Variants in PDGFRA observed in about 807,000 individuals in gnomAD.
The protein encoded by PDGFRA is platelet-derived growth factor receptor alpha.
A neutral mutation model predicts 121.5 loss-of-function variants in PDGFRA; 25 were observed. That is an observed-to-expected ratio of 0.21 (90% CI 0.15 to 0.29). PDGFRA has a LOEUF of 0.29. Among genes scored for constraint, PDGFRA ranks in the 10% least tolerant of loss-of-function variants. The pLI is 1.00. For synonymous variants in PDGFRA, 463 were observed against 494.8 expected, an observed-to-expected ratio of 0.94 and a Z score of 0.85; for missense variants, 1,008 against 1,345.1, an observed-to-expected ratio of 0.75 and a Z score of 3.92.
intron 16 of PDGFRA, among the ~76,000 whole-genome samples, chr4:54,284,553 T>TGAGAGA (rs1446665217): frequency 2.1e-4 from 15 of 72,966 alleles, no homozygotes; most frequent in African/African-American, 6.1e-4. Context: ...CAGGAGCAAG[T>TGAGAGA]GAGAGAGAGA....
chr4:54,244,661 C>G (rs1244234509), intron 1 of PDGFRA, among the ~76,000 whole-genome samples: 1 of 152,224 alleles, frequency 6.6e-6, no homozygotes, highest in African/African-American at 2.4e-5. Context: ...AGCAGAGCGC[C>G]TCTCCTCCTC....
Position 54,285,404 on chromosome 4 carries a change from A to T in PDGFRA, c.2357A>T (p.Asn786Ile), listed in dbSNP as rs2110335579. Reference protein sequence around the residue: ...SEVKNLLSDDNSEGLTLLDLL... With the variant: ...SEVKNLLSDDISEGLTLLDLL... ...GTCAAAAACCTCCTTTCAGATGATA[A>T]CTCAGAAGGCCTTACTTTATTGGAT... is the stretch of plus-strand genomic sequence containing the variant. The change falls in exon 17 of 23, where the codon AAC becomes ATC. Residue 786 changes from asparagine (N) to isoleucine (I), a missense_variant. Asn to Ile is a moderately radical substitution (Grantham distance 149). This residue lies in a region of PDGFRA where 128 missense variants were observed against 147.6 expected (regional missense o/e 0.87). Coordinates refer to ENST00000257290, the MANE Select transcript of PDGFRA (RefSeq NM_006206.6). The T allele has an allele frequency of 6.4e-7, 1 of 1,551,796 alleles. No homozygotes were observed.
intron 20 of PDGFRA, 47 bp from the exon 21 acceptor site, chr4:54,288,962 G>A: frequency 6.6e-7 from 1 of 1,513,700 alleles, no homozygotes; most frequent in Non-Finnish European, 9.2e-7. Context: ...GGAGGGAGGG[G>A]CCCTGAGACT....
rs1553902953 is a variant in PDGFRA at position 54,265,019 on chromosome 4, T to A, written c.729T>A (p.Val243=). The change falls in exon 5 of 23, where the codon GTT becomes GTA. Residue 243 remains valine, a synonymous_variant. Transcript: ENST00000257290. ...VTCAVFNNEV[V]DLQWTYPGEV... ...GTGCTGTTTTTAACAATGAGGTGGT[T>A]GACCTTCAATGGACTTACCCTGGAG... The A allele has an allele frequency of 6.2e-7, 1 of 1,613,780 alleles. No homozygotes were observed. The highest frequency in any genetic ancestry group is 8.5e-7 in the Non-Finnish European group (1 of 1,179,754).
At chr4:54,253,092 T>A (rs1722145615) in intron 1 of PDGFRA, among the ~76,000 whole-genome samples, 1 of 151,660 alleles carries the variant, frequency 6.6e-6, no homozygotes, top group Admixed American at 6.6e-5. Flanking sequence ...GTCATGGGAG[T>A]GGACTGCTGG....
intron 1 of PDGFRA, among the ~76,000 whole-genome samples, chr4:54,254,638 C>G (rs1269722309): frequency 6.6e-6 from 1 of 152,198 alleles, no homozygotes; most frequent in African/African-American, 2.4e-5. Flanking sequence ...AAAGCCACGA[C>G]GACATCAAGC....
At chr4:54,291,198 A>C (rs1724615421) in intron 22 of PDGFRA, among the ~76,000 whole-genome samples, 1 of 152,304 alleles carries the variant, frequency 6.6e-6, no homozygotes, top group Non-Finnish European at 1.5e-5. Context: ...GCCTGGATGC[A>C]CACATGGCCA....
Position 54,261,239 on chromosome 4 carries a change from A to T in PDGFRA, c.194A>T (p.Glu65Val), listed in dbSNP as rs1163869258. The change falls in exon 3 of 23, where the codon GAG (glutamate) becomes GTG (valine). Residue 65 changes from glutamate to valine, a missense_variant. Coordinates refer to ENST00000257290, the MANE Select transcript of PDGFRA (RefSeq NM_006206.6). ...TGGCAGTACCCCATGTCTGAAGAAG[A>T]GAGCTCCGATGTGGAAATCAGAAAT... ...VSWQYPMSEE[E>V]SSDVEIRNEE... 2.5e-6 allele frequency: 4 copies of T among 1,614,186 alleles called. No individual in the cohort carries two copies. Among genetic ancestry groups the T allele is most frequent in the Non-Finnish European group, 3.4e-6 (4 of 1,180,032 alleles).
At chr4:54,275,330 C>G (rs1268831034) in intron 12 of PDGFRA, among the ~76,000 whole-genome samples, 1 of 152,064 alleles carries the variant, frequency 6.6e-6, no homozygotes, top group Non-Finnish European at 1.5e-5. Flanking sequence ...ATGAGGACAA[C>G]CACAAAATGT....
intron 14 of PDGFRA, 157 bp from the exon 15 acceptor site, chr4:54,278,205 C>T (rs944812875): frequency 2.8e-6 from 2 of 726,358 alleles, no homozygotes; most frequent in Non-Finnish European, 4.5e-6. Context: ...CCAGTCATAG[C>T]CATTCATGGC....
chr4:54,271,859 G>GCCT (rs1723391110), intron 8 of PDGFRA, among the ~76,000 whole-genome samples: 1 of 65,816 alleles, frequency 1.5e-5, no homozygotes, highest in African/African-American at 6.4e-5. Flanking sequence ...TCCCTCCCTT[G>GCCT]TTCTCCCTTT....
At chr4:54,244,567 T>TA (rs1470913226) in intron 1 of PDGFRA, among the ~76,000 whole-genome samples, 2 of 152,104 alleles carry the variant, frequency 1.3e-5, no homozygotes, top group African/African-American at 4.8e-5. Context: ...AACCCATCTG[T>TA]ACATCACCAT....
At chr4:54,278,615 C>A in intron 15 of PDGFRA, 100 bp downstream of exon 15, 2 of 1,183,928 alleles carry the variant, frequency 1.7e-6, no homozygotes, top group Non-Finnish European at 2.5e-6. Flanking sequence ...AGATTCAGTG[C>A]CCAAGGTAGC....
chr4:54,295,718 C>T lies in PDGFRA; in HGVS notation c.*446C>T, dbSNP rs774705926. 25 of 256,976 alleles carry T rather than the reference C, an allele frequency of 9.7e-5. No homozygotes were observed. The highest frequency in any genetic ancestry group is 1.7e-4 in the Non-Finnish European group (22 of 131,856). 15.9% of individuals were successfully genotyped at this position (256,976 alleles called of 1,614,324 possible). A position where few individuals can be genotyped will look rare whatever the true frequency, so the allele number is the denominator to read the frequency against. ...GACCACTCAATCCATCCATGTACTT[C>T]CCTCTTGAAACCTGATGTCAGCTGC... On this transcript the variant is annotated 3_prime_UTR_variant, in exon 23 of 23. Transcript: ENST00000257290.
chr4:54,253,783 C>G (rs1722198166), intron 1 of PDGFRA, among the ~76,000 whole-genome samples: 2 of 152,096 alleles, frequency 1.3e-5, no homozygotes, highest in South Asian at 4.1e-4. Context: ...CTCCTGGGTT[C>G]AAGTGATTCT....
chr4:54,293,521 C>T (rs954952192), intron 22 of PDGFRA, among the ~76,000 whole-genome samples: 4 of 149,148 alleles, frequency 2.7e-5, no homozygotes, highest in Non-Finnish European at 5.9e-5. Context: ...ACCTCCACCT[C>T]CTGAGTTCAA....
chr4:54,282,650 T>C (rs1013427597), intron 16 of PDGFRA, among the ~76,000 whole-genome samples: 4 of 152,178 alleles, frequency 2.6e-5, no homozygotes, highest in East Asian at 1.9e-4. Flanking sequence ...CCAAATCTCA[T>C]GTCCTTCTCA....
chr4:54,285,941 C>T lies in PDGFRA; in HGVS notation c.2540C>T (p.Ser847Leu), dbSNP rs377487797. Residue 847 changes from serine (S) to leucine (L), a missense_variant, in exon 18 of 23, where the codon TCG becomes TTG. Ser to Leu is a moderately radical substitution (Grantham distance 145). Around this residue, in one of 5 missense-constraint regions of PDGFRA, gnomAD observed 40 missense variants for 127.4 expected, o/e 0.31. Transcript: ENST00000257290. ...FGLARDIMHD[S>L]NYVSKGSTFL... ...CTGGCCAGAGACATCATGCATGATT[C>T]GAACTATGTGTCGAAAGGCAGTGTA... 23 of 1,613,960 alleles carry T rather than the reference C, an allele frequency of 1.4e-5. No homozygotes were observed. Among genetic ancestry groups the T allele is most frequent in the Middle Eastern group, 1.6e-4 (1 of 6,084 alleles).
intron 1 of PDGFRA, among the ~76,000 whole-genome samples, chr4:54,239,836 A>AT (rs950557856): frequency 5.3e-4 from 81 of 151,910 alleles, no homozygotes; most frequent in Non-Finnish European, 1.0e-3. Flanking sequence ...TTTAAAAAAA[A>AT]TTTTAAATTA....
Sources: gnomAD v4.1 joint callset for allele counts (sites outside exome capture counted in the v4.1 genomes callset) on GRCh38, gnomAD v4.1.1 for gene constraint, gnomAD v4.1.1 regional missense constraint, MANE v1.5 for transcripts, NCBI Gene and HGNC (gene_info 2026-07-23, HGNC 2026-07-21) for gene names.